RGS8: variants seen among roughly 807,000 people sequenced by gnomAD.
The protein encoded by RGS8 is regulator of G-protein signaling 8.
A neutral mutation model predicts 21.7 loss-of-function variants in RGS8; 8 were observed. The observed-to-expected ratio is 0.37, with a 90% confidence interval of 0.22 to 0.66. The LOEUF (loss-of-function observed/expected upper bound fraction) is 0.66. Among genes scored for constraint, RGS8 ranks in the 30% least tolerant of loss-of-function variants. The pLI is 0.59. For missense variants in RGS8, 157 were observed against 217.9 expected (o/e 0.72, Z 1.76); for synonymous variants, 80 against 83.6 (o/e 0.96, Z 0.24).
the RGS8 span, among the ~76,000 whole-genome samples, chr1:182,750,244 C>T: frequency 6.6e-6 from 1 of 152,118 alleles, no homozygotes; most frequent in African/African-American, 2.4e-5. Flanking sequence ...GTGAAAATGG[C>T]CTACCCTCTT....
At chr1:182,725,460 A>G in the RGS8 span, among the ~76,000 whole-genome samples, 1 of 152,148 alleles carries the variant, frequency 6.6e-6, no homozygotes, top group Admixed American at 6.5e-5. Flanking sequence ...CCTTTCCCAC[A>G]CTTTCAAAAT....
chr1:182,737,571 C>T, the RGS8 span, among the ~76,000 whole-genome samples: 5 of 152,162 alleles, frequency 3.3e-5, no homozygotes, highest in Non-Finnish European at 7.4e-5. Flanking sequence ...TTGCCTGCTG[C>T]ATGTAAGACG....
intron 5 of RGS8, among the ~76,000 whole-genome samples, chr1:182,648,686 G>A (rs1367908649): frequency 1.3e-5 from 2 of 152,042 alleles, no homozygotes; most frequent in Non-Finnish European, 2.9e-5. Flanking sequence ...AGTGAGCTGA[G>A]ATCATGCCAT....
the RGS8 span, among the ~76,000 whole-genome samples, chr1:182,692,006 C>CTT: frequency 5.8e-5 from 8 of 138,250 alleles, no homozygotes; most frequent in African/African-American, 5.3e-5. Context: ...GTTAGCATTT[C>CTT]TTTTTTTTTT....
chr1:182,750,746 G>T, the RGS8 span, among the ~76,000 whole-genome samples: 222 of 152,202 alleles, frequency 1.5e-3, 4 homozygotes, highest in East Asian at 0.039. Context: ...TATAGCCCAT[G>T]CTTTTAGGAA....
intron 5 of RGS8, among the ~76,000 whole-genome samples, chr1:182,653,103 A>G (rs1247147968): frequency 6.6e-6 from 1 of 152,230 alleles, no homozygotes; most frequent in Non-Finnish European, 1.5e-5. Context: ...AAGACCAGGA[A>G]GAGATTATTT....
At chr1:182,719,159 A>G in the RGS8 span, among the ~76,000 whole-genome samples, 1 of 152,178 alleles carries the variant, frequency 6.6e-6, no homozygotes, top group African/African-American at 2.4e-5. Flanking sequence ...TGCCTTCTCT[A>G]TGCACAAAGG....
chr1:182,733,369 T>C, the RGS8 span, among the ~76,000 whole-genome samples: 1 of 152,222 alleles, frequency 6.6e-6, no homozygotes, highest in African/African-American at 2.4e-5. Context: ...GATGCTACAT[T>C]TTAAGTATCC....
intron 5 of RGS8, chr1:182,658,325 A>C (rs916281797): frequency 1.3e-5 from 2 of 152,208 alleles, no homozygotes; most frequent in Non-Finnish European, 2.9e-5. Context: ...GCCCAGGAGC[A>C]CTGATGTAGC....
chr1:182,742,081 T>C, the RGS8 span, among the ~76,000 whole-genome samples: 4 of 133,638 alleles, frequency 3.0e-5, no homozygotes, highest in Non-Finnish European at 4.8e-5. Context: ...AGGGCAGAGG[T>C]GCTCCCCACA....
upstream of RGS8, among the ~76,000 whole-genome samples, chr1:182,674,541 G>A (rs942725769): frequency 5.3e-5 from 8 of 152,100 alleles, no homozygotes; most frequent in South Asian, 2.1e-4. Context: ...AAGTACAGAC[G>A]TAGTGCAGGC....
At chr1:182,672,977 C>A, upstream of RGS8, 1 of 866,596 alleles carries the variant, frequency 1.2e-6, no homozygotes, top group Non-Finnish European at 1.9e-6. Flanking sequence ...CACCCCTAGA[C>A]CTACAGAATC....
the RGS8 span, among the ~76,000 whole-genome samples, chr1:182,743,578 C>A: frequency 6.6e-6 from 1 of 152,194 alleles, no homozygotes; most frequent in Admixed American, 6.5e-5. Context: ...CCTACTGACC[C>A]TTCCAGCATC....
intron 5 of RGS8, among the ~76,000 whole-genome samples, chr1:182,660,785 T>C (rs995200082): frequency 2.0e-5 from 3 of 151,810 alleles, no homozygotes; most frequent in Non-Finnish European, 4.4e-5. Flanking sequence ...TGCATAAACC[T>C]TCCTGGAGGG....
chr1:182,733,665 T>C, the RGS8 span: 2 of 152,234 alleles, frequency 1.3e-5, no homozygotes, highest in African/African-American at 4.8e-5. Flanking sequence ...CTAAGAATGA[T>C]GTCAAGGACC....
At chr1:182,667,866 G>A (rs1239021901) in intron 3 of RGS8, among the ~76,000 whole-genome samples, 6 of 149,460 alleles carry the variant, frequency 4.0e-5, no homozygotes, top group Non-Finnish European at 7.4e-5. Flanking sequence ...TTTTTTTTTA[G>A]AGAAACGGTC....
At chr1:182,736,626 C>T in the RGS8 span, among the ~76,000 whole-genome samples, 2 of 152,258 alleles carry the variant, frequency 1.3e-5, no homozygotes, top group East Asian at 3.9e-4. Context: ...GGATGTTAGC[C>T]CTGGGATAGC....
the RGS8 span, among the ~76,000 whole-genome samples, chr1:182,721,031 G>A: frequency 3.5e-4 from 28 of 80,582 alleles, 2 homozygotes; most frequent in African/African-American, 9.4e-4. Flanking sequence ...ATATATGTGT[G>A]TATATATACA....
At chr1:182,717,273 A>T in the RGS8 span, among the ~76,000 whole-genome samples, 1 of 152,238 alleles carries the variant, frequency 6.6e-6, no homozygotes, top group Non-Finnish European at 1.5e-5. Flanking sequence ...CCTCATCTTC[A>T]ACCTCAACAG....
Sources: allele counts gnomAD v4.1 joint callset (sites outside exome capture counted in the v4.1 genomes callset), GRCh38; gene constraint gnomAD v4.1.1; transcripts MANE v1.5; gene names NCBI Gene and HGNC (gene_info 2026-07-23, HGNC 2026-07-21).